Variants in PIK3CB observed in about 807,000 individuals in gnomAD.
PIK3CB encodes the protein phosphatidylinositol 4,5-bisphosphate 3-kinase catalytic subunit beta isoform.
Under a neutral mutation model 136.8 loss-of-function variants are expected in PIK3CB, and 39 were observed. The observed-to-expected ratio is 0.29, with a 90% CI of 0.22 to 0.37. PIK3CB has a LOEUF of 0.37. PIK3CB is among the 10% of genes least tolerant of loss of function. The probability of loss-of-function intolerance (pLI) is 1.00; values close to 1 mark genes in which losing one functional copy is unlikely to be tolerated. For missense variants in PIK3CB, 868 were observed against 1,275.4 expected (o/e 0.68, Z 4.87); for synonymous variants, 428 against 436.6 (o/e 0.98, Z 0.25).
At chr3:138,789,496 C>T (rs1178186364) in intron 2 of PIK3CB, among the ~76,000 whole-genome samples, 1 of 152,090 alleles carries the variant, frequency 6.6e-6, no homozygotes, top group Non-Finnish European at 1.5e-5. Context: ...ATATGATCCA[C>T]TATGATCTAA....
intron 1 of PIK3CB, among the ~76,000 whole-genome samples, chr3:138,819,276 G>T (rs1233620121): frequency 6.6e-6 from 1 of 152,094 alleles, no homozygotes; most frequent in Admixed American, 6.6e-5. Context: ...GAACCCTGGA[G>T]GCGGAGATGG....
At chr3:138,799,903 T>A (rs1188818273) in intron 1 of PIK3CB, among the ~76,000 whole-genome samples, 6 of 152,086 alleles carry the variant, frequency 3.9e-5, no homozygotes, top group Admixed American at 3.9e-4. Flanking sequence ...GGTCTCGAAC[T>A]CCTGTGCTCA....
intron 2 of PIK3CB, among the ~76,000 whole-genome samples, chr3:138,793,181 CA>C (rs2046072019): frequency 6.6e-6 from 1 of 152,098 alleles, no homozygotes; most frequent in South Asian, 2.1e-4. Context: ...AGAACAATAC[CA>C]AATTGTAATG....
Position 138,707,193 on chromosome 3 carries a change from T to C in PIK3CB, c.1496A>G (p.Lys499Arg), listed in dbSNP as rs1559830315. The C allele has an allele frequency of 6.2e-7, 1 of 1,612,002 alleles. No homozygotes were observed. Among genetic ancestry groups the C allele is most frequent in the Non-Finnish European group, 8.5e-7 (1 of 1,178,294 alleles). Residue 499 changes from lysine (K) to arginine (R), a missense_variant, in exon 11 of 24, where the codon AAA (lysine) becomes AGA (arginine). This residue lies in a region of PIK3CB where 612 missense variants were observed against 801.1 expected (regional missense o/e 0.76). Coordinates refer to ENST00000674063, the MANE Select transcript of PIK3CB (RefSeq NM_006219.3). Reference sequence around the variant, plus strand: ...GGGAGGGTAATAATAAGGTTGTTTTTTATTCTCTGGAAATTTAACATGCAA... The same window carrying C: ...GGGAGGGTAATAATAAGGTTGTTTTCTATTCTCTGGAAATTTAACATGCAA... ...TALHVKFPEN[K>R]KQPYYYPPFD...
At chr3:138,830,173 T>C (rs1933960094) in intron 1 of PIK3CB, among the ~76,000 whole-genome samples, 1 of 152,118 alleles carries the variant, frequency 6.6e-6, no homozygotes, top group South Asian at 2.1e-4. Flanking sequence ...TCGAATATCC[T>C]AGAAGGTTCC....
chr3:138,833,867 T>A (rs1183942456), intron 1 of PIK3CB, among the ~76,000 whole-genome samples: 1 of 152,130 alleles, frequency 6.6e-6, no homozygotes, highest in African/African-American at 2.4e-5. Flanking sequence ...TCAGCAGTAA[T>A]TCCCACTCAG....
Position 138,742,641 on chromosome 3 carries a change from G to A in PIK3CB, c.538C>T (p.His180Tyr), listed in dbSNP as rs1247678992. The A allele has an allele frequency of 1.9e-6, 3 of 1,608,672 alleles. No homozygotes were observed. The highest frequency in any genetic ancestry group is 2.6e-6 in the Non-Finnish European group (3 of 1,175,132). ...DWLKQTYPPEHEPSIPENLED... is the reference protein window; with the variant it reads ...DWLKQTYPPEYEPSIPENLED... ...AAGTTTTCAGGGATGGATGGTTCATGCTCTGGTGGATATGTTTGTTTTAGC... is the reference window on the plus strand; with the variant it reads ...AAGTTTTCAGGGATGGATGGTTCATACTCTGGTGGATATGTTTGTTTTAGC... Residue 180 changes from histidine to tyrosine, a missense_variant, in exon 5 of 24, where the codon CAT becomes TAT. Coordinates refer to ENST00000674063, the MANE Select transcript of PIK3CB (RefSeq NM_006219.3).
intron 4 of PIK3CB, among the ~76,000 whole-genome samples, chr3:138,744,343 C>A (rs1468950401): frequency 7.9e-6 from 1 of 126,866 alleles, no homozygotes; most frequent in Non-Finnish European, 1.6e-5. Flanking sequence ...GGCAGTCAGC[C>A]GAGATTGTGT....
rs780910328 is a variant in PIK3CB at position 138,691,086 on chromosome 3, A to T, written c.1950T>A (p.Pro650=). ...LQLVQVLKYE[P]FLDCALSRFL... is the part of the protein sequence containing the mutation. ...ATCTAGAGAGGGCACAATCAAGAAA[A>T]GGCTCATATTTTAACACTTGCACCA... is the stretch of plus-strand genomic sequence containing the variant. Residue 650 remains proline, a synonymous_variant, in exon 15 of 24, where the codon CCT becomes CCA. Coordinates refer to ENST00000674063, the MANE Select transcript of PIK3CB (RefSeq NM_006219.3). 12 of 1,612,628 alleles carry T rather than the reference A, an allele frequency of 7.4e-6. No homozygotes were observed. The East Asian group carries it at 1.6e-4, about 21-fold the overall frequency.
At chr3:138,826,345 C>A in intron 1 of PIK3CB, 1 of 1,594,274 alleles carries the variant, frequency 6.3e-7, no homozygotes. Flanking sequence ...ATCCCTAATA[C>A]CTGCCACCTG....
At chr3:138,682,983 C>T (rs2043810484) in intron 18 of PIK3CB, among the ~76,000 whole-genome samples, 1 of 152,120 alleles carries the variant, frequency 6.6e-6, no homozygotes, top group African/African-American at 2.4e-5. Flanking sequence ...CTGTTAGGTA[C>T]TTTCATCAAA....
chr3:138,712,401 G>A (rs1337690646), intron 9 of PIK3CB, 97 bp from the exon 10 acceptor site: 4 of 493,494 alleles, frequency 8.1e-6, no homozygotes, highest in Non-Finnish European at 1.4e-5. Flanking sequence ...GTTCTAGAAA[G>A]TTCTGGATGA....
At chr3:138,695,930 T>TC (rs2044127316) in intron 13 of PIK3CB, among the ~76,000 whole-genome samples, 1 of 83,912 alleles carries the variant, frequency 1.2e-5, no homozygotes, top group East Asian at 4.6e-4. Flanking sequence ...TAATTTTTTG[T>TC]ATTTTTTTTT....
At position 138,682,005 on chromosome 3, in the gene PIK3CB, C is replaced by T. The variant is rs2043792496; in HGVS notation, c.2466G>A (p.Leu822=). The change falls in exon 19 of 24, where the codon TTG becomes TTA. Residue 822 remains leucine, a synonymous_variant. Transcript: ENST00000674063. Reference sequence around the variant, plus strand: ...CAGCTTCTTTCCAGAGTAAATCCATCAAGCGCAACATTTGGAGTGTCAACA... The same window carrying T: ...CAGCTTCTTTCCAGAGTAAATCCATTAAGCGCAACATTTGGAGTGTCAACA... ...QDMLTLQMLR[L]MDLLWKEAGL... is the part of the protein sequence containing the mutation. 6.2e-7 allele frequency: 1 copy of T among 1,611,350 alleles called. No homozygotes were observed. The highest frequency in any genetic ancestry group is 1.1e-5 in the South Asian group (1 of 90,478).
chr3:138,722,053 T>C (rs543119709), intron 8 of PIK3CB, among the ~76,000 whole-genome samples: 1 of 152,208 alleles, frequency 6.6e-6, no homozygotes, highest in Non-Finnish European at 1.5e-5. Context: ...CAGTCAAATA[T>C]GTAGCCCACA....
rs900781318 is a variant in PIK3CB at position 138,765,907 on chromosome 3, A to G, written c.-16-6548T>C. 3.3e-5 allele frequency among the ~76,000 whole-genome samples: 5 copies of G among 152,208 alleles called. No individual in the cohort carries two copies. In the East Asian group the frequency reaches 9.6e-4, roughly 29 times the overall value. ...AAAGTTGAAATTACTTAACTCAGAC[A>G]TTCAAGTCTATTTGCATGTGGTTTT... On this transcript the variant is annotated intron_variant, in intron 2 of 23. Coordinates refer to ENST00000674063, the MANE Select transcript of PIK3CB (RefSeq NM_006219.3).
chr3:138,757,322 T>G (rs1394315129), intron 3 of PIK3CB, among the ~76,000 whole-genome samples: 3 of 151,978 alleles, frequency 2.0e-5, no homozygotes, highest in South Asian at 2.1e-4. Context: ...GAGAATCACT[T>G]GAACCCAGGA....
In PIK3CB at chr3:138,719,435, AG is replaced by A. The variant is rs1271319328; in HGVS notation, c.1051-4717del. ...TAATTTTTGTATTTTTAGTAAAGACAGGGTTTCGCCAAGTTGTCCAGGCTGG... is the reference window on the plus strand; with the variant it reads ...TAATTTTTGTATTTTTAGTAAAGACAGGTTTCGCCAAGTTGTCCAGGCTGG... On this transcript the variant is annotated intron_variant, in intron 8 of 23. Coordinates refer to ENST00000674063, the MANE Select transcript of PIK3CB (RefSeq NM_006219.3). Among the ~76,000 whole-genome samples, 7 of 151,966 alleles carry A rather than the reference AG, an allele frequency of 4.6e-5. No homozygotes were observed. The East Asian group carries it at 7.8e-4, about 17-fold the overall frequency.
intron 2 of PIK3CB, among the ~76,000 whole-genome samples, chr3:138,773,363 C>A (rs2045822226): frequency 6.6e-6 from 1 of 151,850 alleles, no homozygotes; most frequent in Non-Finnish European, 1.5e-5. Flanking sequence ...TACACTCCAG[C>A]CTGGGCGATA....
Sources: gnomAD v4.1 joint callset for allele counts (sites outside exome capture counted in the v4.1 genomes callset) on GRCh38, gnomAD v4.1.1 for gene constraint, gnomAD v4.1.1 regional missense constraint, MANE v1.5 for transcripts, NCBI Gene and HGNC (gene_info 2026-07-23, HGNC 2026-07-21) for gene names.